The following LHFPL3 variants were observed in gnomAD, a reference collection of about 807,000 sequenced individuals.
LHFPL3 encodes the protein LHFPL tetraspan subfamily member 3.
LHFPL3 carries 5 observed loss-of-function variants against 19.3 expected under a neutral mutation model. The observed-to-expected ratio is 0.26, with a 90% CI of 0.14 to 0.54. LHFPL3 has a LOEUF of 0.54. Among genes scored for constraint, LHFPL3 ranks in the 20% least tolerant of loss-of-function variants. The pLI, the probability that LHFPL3 is intolerant of heterozygous loss-of-function variation, is 0.94. For missense variants in LHFPL3, 249 were observed against 307.4 expected, an observed-to-expected ratio of 0.81 and a Z score of 1.42; for synonymous variants, 133 against 126.2, an observed-to-expected ratio of 1.05 and a Z score of -0.36.
intron 2 of LHFPL3, among the ~76,000 whole-genome samples, chr7:104,776,972 G>C (rs1339350511): frequency 1.3e-5 from 2 of 152,172 alleles, no homozygotes; most frequent in East Asian, 3.8e-4. Flanking sequence ...ACTCTCTCCT[G>C]AGACCAGCTC....
At chr7:104,549,935 G>A (rs922182696) in intron 1 of LHFPL3, among the ~76,000 whole-genome samples, 1 of 152,140 alleles carries the variant, frequency 6.6e-6, no homozygotes, top group African/African-American at 2.4e-5. Context: ...ATTAGTCAGG[G>A]CTCTCTAGAG....
intron 2 of LHFPL3, among the ~76,000 whole-genome samples, chr7:104,828,929 G>T (rs1392465555): frequency 6.6e-6 from 1 of 151,864 alleles, no homozygotes; most frequent in Non-Finnish European, 1.5e-5. Context: ...CAGCTTCTCG[G>T]GAGGCTGGGG....
intron 1 of LHFPL3, among the ~76,000 whole-genome samples, chr7:104,658,353 C>CT (rs1185864045): frequency 2.0e-5 from 3 of 152,048 alleles, no homozygotes; most frequent in South Asian, 4.2e-4. Flanking sequence ...CTTTCTCTCT[C>CT]TTTTTTTTCT....
At chr7:104,722,556 ACT>A (rs1423857883) in intron 1 of LHFPL3, among the ~76,000 whole-genome samples, 2 of 152,036 alleles carry the variant, frequency 1.3e-5, no homozygotes, top group Non-Finnish European at 2.9e-5. Flanking sequence ...TTGTCCAGTG[ACT>A]CTGTTTTCAG....
At chr7:104,545,165 C>G (rs893956803) in intron 1 of LHFPL3, among the ~76,000 whole-genome samples, 6 of 152,158 alleles carry the variant, frequency 3.9e-5, no homozygotes, top group African/African-American at 1.2e-4. Flanking sequence ...TACATTATTC[C>G]TATAAAATAC....
intron 1 of LHFPL3, among the ~76,000 whole-genome samples, chr7:104,355,868 G>T (rs566203857): frequency 6.6e-6 from 1 of 152,232 alleles, no homozygotes; most frequent in South Asian, 2.1e-4. Flanking sequence ...CTGACATAAG[G>T]ATTAGTTAAT....
chr7:104,616,207 T>C (rs1189668745), intron 1 of LHFPL3, among the ~76,000 whole-genome samples: 3 of 152,188 alleles, frequency 2.0e-5, no homozygotes, highest in Non-Finnish European at 4.4e-5. Context: ...AGAACAAAGC[T>C]GGAGGCATCA....
intron 1 of LHFPL3, among the ~76,000 whole-genome samples, chr7:104,423,480 G>A (rs896204320): frequency 6.6e-6 from 1 of 152,086 alleles, no homozygotes; most frequent in Non-Finnish European, 1.5e-5. Flanking sequence ...TGGGCATGGT[G>A]GTGCATGCCT....
At chr7:104,887,834 T>G (rs1792176217) in intron 2 of LHFPL3, among the ~76,000 whole-genome samples, 1 of 152,226 alleles carries the variant, frequency 6.6e-6, no homozygotes, top group Admixed American at 6.5e-5. Flanking sequence ...GCTGAAATCC[T>G]GGAAATATGT....
At chr7:104,838,249 AATCT>A (rs777818299) in intron 2 of LHFPL3, among the ~76,000 whole-genome samples, 1 of 152,084 alleles carries the variant, frequency 6.6e-6, no homozygotes, top group East Asian at 1.9e-4. Context: ...AACTAATTCT[AATCT>A]ATCTGGGGAG....
rs774900131 is a variant in LHFPL3 at position 104,736,730 on chromosome 7, A to T, written c.501A>T (p.Glu167Asp). Residue 167 changes from glutamate to aspartate, a missense_variant, in exon 2 of 3, where the codon GAA becomes GAT. Transcript: ENST00000424859. ...MIFPDGWDSD[E>D]VKRMCGEKTD... is the part of the protein sequence containing the mutation. ...TCCCTGATGGCTGGGACTCAGATGA[A>T]GTAAAACGGATGTGTGGAGAAAAGA... is the stretch of plus-strand genomic sequence containing the variant. The T allele has an allele frequency of 6.2e-7, 1 of 1,613,746 alleles. No individual in the cohort carries two copies. Among genetic ancestry groups the T allele is most frequent in the Non-Finnish European group, 8.5e-7 (1 of 1,179,828 alleles).
intron 1 of LHFPL3, among the ~76,000 whole-genome samples, chr7:104,461,097 C>T (rs1407935797): frequency 6.6e-6 from 1 of 152,100 alleles, no homozygotes; most frequent in Admixed American, 6.6e-5. Flanking sequence ...GCTGGGGAGG[C>T]CTCAGGAAAC....
intron 1 of LHFPL3, among the ~76,000 whole-genome samples, chr7:104,492,114 AACTATTAAATATT>A (rs1270035840): frequency 7.9e-5 from 12 of 152,320 alleles, no homozygotes; most frequent in Admixed American, 7.8e-4. Context: ...TGTATTTTAA[AACTATTAAATATT>A]TTTATGTTCT....
chr7:104,675,229 A>G (rs1394362909), intron 1 of LHFPL3, among the ~76,000 whole-genome samples: 2 of 152,258 alleles, frequency 1.3e-5, no homozygotes, highest in Non-Finnish European at 2.9e-5. Flanking sequence ...AGTGTTTTCT[A>G]AAAGAAGAAA....
chr7:104,645,698 T>A (rs1791921328), intron 1 of LHFPL3, among the ~76,000 whole-genome samples: 1 of 144,802 alleles, frequency 6.9e-6, no homozygotes, highest in Non-Finnish European at 1.5e-5. Flanking sequence ...TCTTGCTCTG[T>A]TGCCCAGGCT....
chr7:104,401,435 A>G (rs1366580422), intron 1 of LHFPL3, among the ~76,000 whole-genome samples: 1 of 152,206 alleles, frequency 6.6e-6, no homozygotes, highest in East Asian at 1.9e-4. Flanking sequence ...AACACACCCA[A>G]ATCATTTCAG....
chr7:104,573,544 A>C (rs951566042), intron 1 of LHFPL3, among the ~76,000 whole-genome samples: 3 of 152,224 alleles, frequency 2.0e-5, no homozygotes, highest in Non-Finnish European at 4.4e-5. Flanking sequence ...AACTAGTGTG[A>C]GATCATTTTC....
intron 1 of LHFPL3, among the ~76,000 whole-genome samples, chr7:104,395,948 C>T (rs780135005): frequency 4.6e-5 from 7 of 152,058 alleles, no homozygotes; most frequent in Non-Finnish European, 8.8e-5. Context: ...GCAAGTAAAC[C>T]TAAGTCCAAA....
intron 1 of LHFPL3, among the ~76,000 whole-genome samples, chr7:104,368,355 A>C (rs1052578560): frequency 2.6e-5 from 4 of 151,868 alleles, no homozygotes; most frequent in African/African-American, 7.3e-5. Context: ...TGAGGGAGAC[A>C]AAAAAAAGGG....
Sources: allele counts gnomAD v4.1 joint callset (sites outside exome capture counted in the v4.1 genomes callset), GRCh38; gene constraint gnomAD v4.1.1; transcripts MANE v1.5; gene names NCBI Gene and HGNC (gene_info 2026-07-23, HGNC 2026-07-21).